The following COPG2 variants were observed in gnomAD, a reference collection of about 807,000 sequenced individuals.
COPG2 encodes the protein coat protein complex I subunit gamma 2.
Under a neutral mutation model 46.3 loss-of-function variants are expected in COPG2, and 37 were observed. The observed-to-expected ratio is 0.80, with a 90% CI of 0.61 to 1.05. The LOEUF (loss-of-function observed/expected upper bound fraction) is 1.05, where lower values mean the gene tolerates loss of function less well. Among genes scored for constraint, COPG2 ranks in the 50% least tolerant of loss-of-function variants. The pLI is 0.00. For synonymous variants in COPG2, 159 were observed against 129.7 expected, an observed-to-expected ratio of 1.23 and a Z score of -1.53; for missense variants, 427 against 387.8, an observed-to-expected ratio of 1.10 and a Z score of -0.85.
rs1466608385 is a variant in COPG2 at position 130,507,814 on chromosome 7, G to A, written c.2257C>T (p.Leu753Phe). The A allele has an allele frequency of 1.3e-6, 1 of 780,404 alleles. No individual in the cohort carries two copies. The highest frequency in any genetic ancestry group is 2.4e-5 in the East Asian group (1 of 41,232). 48.3% of individuals were successfully genotyped at this position (780,404 alleles called of 1,614,324 possible). The change falls in exon 22 of 24, where the codon CTC becomes TTC. Residue 753 changes from leucine to phenylalanine, a missense_variant. By Grantham distance (22) the Leu-to-Phe change is conservative. Transcript: ENST00000425248. Reference sequence around the variant, plus strand: ...ATATGGTCAGACACAGTCACTTCGAGATCTTCCAGCTAGTGGGTAATAAGC... The same window carrying A: ...ATATGGTCAGACACAGTCACTTCGAAATCTTCCAGCTAGTGGGTAATAAGC... ...GYDDEYVLED[L>F]EVTVSDHIQK...
At chr7:130,642,941 G>C (rs1490713713) in intron 5 of COPG2, among the ~76,000 whole-genome samples, 1 of 151,992 alleles carries the variant, frequency 6.6e-6, no homozygotes, top group Non-Finnish European at 1.5e-5. Flanking sequence ...GGGAGGCGGA[G>C]GCTGCAGTGA....
chr7:130,513,314 T>G (rs1283248147), intron 20 of COPG2, among the ~76,000 whole-genome samples: 3 of 35,370 alleles, frequency 8.5e-5, no homozygotes, highest in Non-Finnish European at 1.1e-4. Flanking sequence ...AAAAAATATA[T>G]ATATATATAT....
intron 14 of COPG2, among the ~76,000 whole-genome samples, chr7:130,553,810 T>C (rs893331456): frequency 3.3e-5 from 5 of 152,204 alleles, no homozygotes; most frequent in East Asian, 1.9e-4. Context: ...ATGTAGGCTA[T>C]TGTGGAAACC....
intron 14 of COPG2, 81 bp downstream of exon 14, chr7:130,554,400 C>T: frequency 7.6e-6 from 3 of 397,328 alleles, no homozygotes; most frequent in Non-Finnish European, 1.3e-5. Flanking sequence ...AATCCTGCAA[C>T]TTCATTTTCC....
chr7:130,509,736 A>G (rs1563032553), intron 20 of COPG2: 1 of 515,848 alleles, frequency 1.9e-6, no homozygotes, highest in Admixed American at 1.9e-5. Context: ...TAGGAGTTAA[A>G]TAAGTGTGTG....
At chr7:130,606,286 AAG>A (rs1222708993) in intron 9 of COPG2, among the ~76,000 whole-genome samples, 4 of 151,592 alleles carry the variant, frequency 2.6e-5, no homozygotes, top group South Asian at 2.1e-4. Context: ...AAGAAAAAGA[AAG>A]AGAGAGAGAA....
chr7:130,625,344 G>T (rs189291457), intron 5 of COPG2, among the ~76,000 whole-genome samples: 242 of 152,218 alleles, frequency 1.6e-3, no homozygotes, highest in Middle Eastern at 3.4e-3. Flanking sequence ...TCTAAAAACA[G>T]ATAGCTTTAC....
chr7:130,654,589 C>A (rs1795810982), intron 4 of COPG2, among the ~76,000 whole-genome samples: 1 of 152,098 alleles, frequency 6.6e-6, no homozygotes, highest in Admixed American at 6.5e-5. Flanking sequence ...TTGATATACT[C>A]ATATACGTAT....
At chr7:130,608,718 TA>T (rs572332741) in intron 9 of COPG2, among the ~76,000 whole-genome samples, 4 of 152,110 alleles carry the variant, frequency 2.6e-5, no homozygotes, top group African/African-American at 9.7e-5. Flanking sequence ...GTCTTTTTTT[TA>T]AAAAAAGGCG....
At chr7:130,595,394 G>A (rs1316023967) in intron 9 of COPG2, among the ~76,000 whole-genome samples, 1 of 152,172 alleles carries the variant, frequency 6.6e-6, no homozygotes, top group African/African-American at 2.4e-5. Flanking sequence ...TGGGTTGGGT[G>A]CTTTCTTTGT....
chr7:130,559,074 C>A (rs1465918778), intron 12 of COPG2, among the ~76,000 whole-genome samples: 1 of 152,154 alleles, frequency 6.6e-6, no homozygotes, highest in African/African-American at 2.4e-5. Context: ...AAAAATAACA[C>A]TTTTGCATGT....
chr7:130,622,934 T>C (rs1173562114), intron 5 of COPG2, among the ~76,000 whole-genome samples: 1 of 152,164 alleles, frequency 6.6e-6, no homozygotes, highest in Non-Finnish European at 1.5e-5. Context: ...GAAATGATCC[T>C]AGCTCCTGAC....
chr7:130,525,915 G>C (rs1799769974), intron 20 of COPG2, among the ~76,000 whole-genome samples: 1 of 136,878 alleles, frequency 7.3e-6, no homozygotes, highest in South Asian at 2.3e-4. Flanking sequence ...CTACACACGG[G>C]TGTTGTGAAG....
At chr7:130,518,824 A>T (rs1326128068) in intron 20 of COPG2, among the ~76,000 whole-genome samples, 3 of 151,880 alleles carry the variant, frequency 2.0e-5, no homozygotes, top group Non-Finnish European at 4.4e-5. Context: ...GCCAACATGG[A>T]GAAACCCCGT....
At chr7:130,576,683 A>C (rs1554446262) in intron 9 of COPG2, among the ~76,000 whole-genome samples, 10 of 152,164 alleles carry the variant, frequency 6.6e-5, no homozygotes, top group Non-Finnish European at 1.0e-4. Context: ...ATAAGGATAC[A>C]CCTCAAGGAA....
At chr7:130,574,472 A>G (rs1793969890) in intron 9 of COPG2, among the ~76,000 whole-genome samples, 1 of 152,176 alleles carries the variant, frequency 6.6e-6, no homozygotes. Flanking sequence ...GCTCATAGGA[A>G]GCCACGTCCA....
chr7:130,548,811 G>A (rs960880441), intron 18 of COPG2, among the ~76,000 whole-genome samples: 61 of 152,080 alleles, frequency 4.0e-4, no homozygotes, highest in African/African-American at 1.4e-3. Context: ...CCAGCTACTC[G>A]GGAGGCTGAG....
At chr7:130,612,752 T>C (rs115189220) in intron 7 of COPG2, among the ~76,000 whole-genome samples, 2,418 of 151,770 alleles carry the variant, frequency 0.016, 80 homozygotes, top group African/African-American at 0.055. Flanking sequence ...GAAAGAAAAA[T>C]GTATTACTAA....
intron 9 of COPG2, among the ~76,000 whole-genome samples, chr7:130,569,251 C>T (rs909841647): frequency 6.6e-6 from 1 of 151,900 alleles, no homozygotes; most frequent in Non-Finnish European, 1.5e-5. Flanking sequence ...ACAAAAAATA[C>T]AAAAGATAAA....
Sources: gnomAD v4.1 joint callset for allele counts (sites outside exome capture counted in the v4.1 genomes callset) on GRCh38, gnomAD v4.1.1 for gene constraint, MANE v1.5 for transcripts, NCBI Gene and HGNC (gene_info 2026-07-23, HGNC 2026-07-21) for gene names.